The following TBL1XR1 variants were observed in gnomAD, a reference collection of about 807,000 sequenced individuals.
The protein encoded by TBL1XR1 is F-box-like/WD repeat-containing protein TBL1XR1.
In TBL1XR1, 5 loss-of-function variants were observed where a neutral mutation model predicts 66.9. The observed-to-expected ratio is 0.07, with a 90% CI of 0.04 to 0.16. TBL1XR1 has a LOEUF of 0.16. Among genes scored for constraint, TBL1XR1 ranks in the 10% least tolerant of loss-of-function variants. The pLI, the probability that TBL1XR1 is intolerant of heterozygous loss-of-function variation, is 1.00. For missense variants in TBL1XR1, 238 were observed against 623.2 expected, an observed-to-expected ratio of 0.38 and a Z score of 6.58; for synonymous variants, 210 against 206.0, an observed-to-expected ratio of 1.02 and a Z score of -0.17.
At chr3:177,165,503 T>C (rs1386159958) in intron 1 of TBL1XR1, among the ~76,000 whole-genome samples, 2 of 152,190 alleles carry the variant, frequency 1.3e-5, no homozygotes, top group Non-Finnish European at 2.9e-5. Context: ...CTTAAGTTTA[T>C]ATGAAGTTTT....
At chr3:177,172,647 GA>G (rs1491307467) in intron 1 of TBL1XR1, among the ~76,000 whole-genome samples, 1 of 118,842 alleles carries the variant, frequency 8.4e-6, no homozygotes, top group Non-Finnish European at 1.7e-5. Flanking sequence ...GAGAGAGAGA[GA>G]AAGAGAGAGA....
At chr3:177,081,246 C>G (rs1038336319) in intron 2 of TBL1XR1, among the ~76,000 whole-genome samples, 4 of 152,142 alleles carry the variant, frequency 2.6e-5, no homozygotes, top group African/African-American at 4.8e-5. Flanking sequence ...ATCAATGTGT[C>G]TCTGTGATAG....
intron 1 of TBL1XR1, among the ~76,000 whole-genome samples, chr3:177,188,660 G>C (rs529603632): frequency 4.6e-5 from 7 of 152,270 alleles, no homozygotes; most frequent in Admixed American, 1.3e-4. Flanking sequence ...GGGGAAAATA[G>C]GTGGCAAACT....
chr3:177,164,799 T>C (rs189105286), intron 1 of TBL1XR1, among the ~76,000 whole-genome samples: 1 of 152,360 alleles, frequency 6.6e-6, no homozygotes, highest in Admixed American at 6.5e-5. Context: ...AAAATTTCAA[T>C]GACATTTTTC....
chr3:177,050,418 T>C, intron 6 of TBL1XR1, 60 bp downstream of exon 6: 1 of 1,581,368 alleles, frequency 6.3e-7, no homozygotes, highest in Non-Finnish European at 8.6e-7. Context: ...AATGCATATG[T>C]TTATAAAATG....
chr3:177,192,316 G>A (rs1330768558), intron 1 of TBL1XR1, among the ~76,000 whole-genome samples: 2 of 150,958 alleles, frequency 1.3e-5, no homozygotes, highest in African/African-American at 2.4e-5. Flanking sequence ...CAGGAGGCGC[G>A]AGGTTGCAGT....
Position 177,142,245 on chromosome 3 carries a change from A to C in TBL1XR1, c.-121-43704T>G, listed in dbSNP as rs1261922172. ...GCAATTTTAGTGGAAGCAGCAGCAG[A>C]AGTACTGCTCCTTGCAGAGCAGGGC... On this transcript the variant is annotated intron_variant, in intron 1 of 15. Transcript: ENST00000457928. Among the ~76,000 whole-genome samples the C allele has an allele frequency of 3.3e-5, 5 of 152,224 alleles. No individual in the cohort carries two copies. In the South Asian group the frequency reaches 6.2e-4, roughly 19 times the overall value.
intron 7 of TBL1XR1, chr3:177,047,840 A>G (rs1716526218): frequency 3.0e-6 from 1 of 338,300 alleles, no homozygotes; most frequent in Non-Finnish European, 5.4e-6. Context: ...GTATTCTCAC[A>G]GACTCACACA....
chr3:177,181,494 A>AG (rs397954315), intron 1 of TBL1XR1, among the ~76,000 whole-genome samples: 162 of 151,016 alleles, frequency 1.1e-3, no homozygotes, highest in Non-Finnish European at 1.9e-3. Context: ...AAAAAAAAAA[A>AG]GAACGCCTCT....
intron 1 of TBL1XR1, among the ~76,000 whole-genome samples, chr3:177,130,964 C>T (rs1182982690): frequency 6.6e-6 from 1 of 152,106 alleles, no homozygotes; most frequent in Non-Finnish European, 1.5e-5. Flanking sequence ...GAGTTAGAGA[C>T]CAGTCTGGGC....
intron 14 of TBL1XR1, chr3:177,032,230 T>TATA (rs2108404356): frequency 6.6e-6 from 1 of 152,354 alleles, no homozygotes; most frequent in African/African-American, 2.4e-5. Context: ...TGTATACCTT[T>TATA]ATACAAGGTT....
intron 1 of TBL1XR1, chr3:177,131,382 C>T: frequency 1.0e-6 from 1 of 985,416 alleles, no homozygotes; most frequent in Non-Finnish European, 1.2e-6. Flanking sequence ...CATTCCTTAA[C>T]ACTCACTGCC....
chr3:177,124,645 C>T (rs1200626872), intron 1 of TBL1XR1, among the ~76,000 whole-genome samples: 3 of 152,036 alleles, frequency 2.0e-5, no homozygotes, highest in Admixed American at 2.0e-4. Flanking sequence ...TTTCAAAAAC[C>T]TATTCCAGTT....
At chr3:177,097,181 C>T (rs1723603915) in intron 2 of TBL1XR1, among the ~76,000 whole-genome samples, 1 of 152,156 alleles carries the variant, frequency 6.6e-6, no homozygotes, top group Admixed American at 6.5e-5. Context: ...TACATCATTT[C>T]CCACCAAATT....
chr3:177,129,601 T>G (rs1728043658), intron 1 of TBL1XR1, among the ~76,000 whole-genome samples: 1 of 152,194 alleles, frequency 6.6e-6, no homozygotes, highest in Admixed American at 6.5e-5. Context: ...GAGTAATGAC[T>G]GGTATAGTGG....
At chr3:177,052,075 T>C (rs1206543982) in intron 4 of TBL1XR1, among the ~76,000 whole-genome samples, 2 of 152,220 alleles carry the variant, frequency 1.3e-5, no homozygotes, top group Non-Finnish European at 2.9e-5. Context: ...ATATGGAATA[T>C]AGTTCATATA....
intron 1 of TBL1XR1, among the ~76,000 whole-genome samples, chr3:177,177,871 C>T (rs116680501): frequency 0.014 from 2,080 of 150,628 alleles, 23 homozygotes; most frequent in African/African-American, 0.032. Flanking sequence ...TCTGGAGGGA[C>T]GTTTAAAAAA....
At chr3:177,180,408 T>C (rs1019172296) in intron 1 of TBL1XR1, among the ~76,000 whole-genome samples, 1 of 139,164 alleles carries the variant, frequency 7.2e-6, no homozygotes, top group Non-Finnish European at 1.5e-5. Context: ...TTGTCTGTTT[T>C]AACAACATTC....
intron 1 of TBL1XR1, among the ~76,000 whole-genome samples, chr3:177,178,042 A>G (rs774533812): frequency 7.9e-5 from 12 of 152,326 alleles, no homozygotes; most frequent in South Asian, 2.1e-4. Flanking sequence ...AATCAGCTAT[A>G]TAACAATCTC....
Sources: gnomAD v4.1 joint callset for allele counts (sites outside exome capture counted in the v4.1 genomes callset) on GRCh38, gnomAD v4.1.1 for gene constraint, MANE v1.5 for transcripts, NCBI Gene and HGNC (gene_info 2026-07-23, HGNC 2026-07-21) for gene names.